Variants in ZNG1B observed in about 807,000 individuals in gnomAD.
ZNG1B encodes the protein zinc-regulated GTPase metalloprotein activator 1B.
the ZNG1B span, among the ~76,000 whole-genome samples, chr2:113,446,821 C>T: frequency 6.6e-6 from 1 of 151,822 alleles, no homozygotes; most frequent in Non-Finnish European, 1.5e-5. Flanking sequence ...TTCATACACA[C>T]ACACACAAGT....
At chr2:113,478,167 A>T in the ZNG1B span, among the ~76,000 whole-genome samples, 1 of 152,216 alleles carries the variant, frequency 6.6e-6, no homozygotes, top group South Asian at 2.1e-4. Flanking sequence ...GAAAATGGAC[A>T]TGTCTCTGGG....
chr2:113,443,002 T>C, the ZNG1B span, among the ~76,000 whole-genome samples: 2 of 151,526 alleles, frequency 1.3e-5, no homozygotes, highest in African/African-American at 4.9e-5. Context: ...GGAGTCTCGC[T>C]GTGTTGCCCA....
At chr2:113,439,774 G>T in the ZNG1B span, among the ~76,000 whole-genome samples, 3 of 151,150 alleles carry the variant, frequency 2.0e-5, no homozygotes, top group East Asian at 5.8e-4. Context: ...TCCCTCTTAG[G>T]TTCTCCATAG....
chr2:113,471,058 C>G, the ZNG1B span: 4 of 1,585,706 alleles, frequency 2.5e-6, no homozygotes, highest in Non-Finnish European at 3.4e-6. Flanking sequence ...TGTATTAGAT[C>G]TTCATGCCTT....
At chr2:113,438,946 G>A in the ZNG1B span, 40 of 1,531,414 alleles carry the variant, frequency 2.6e-5, 1 homozygote, top group South Asian at 4.7e-4. Context: ...AAACTTTGTA[G>A]ACTGTAAGTT....
At chr2:113,441,941 T>C in the ZNG1B span, among the ~76,000 whole-genome samples, 3 of 152,174 alleles carry the variant, frequency 2.0e-5, no homozygotes, top group Admixed American at 2.0e-4. Flanking sequence ...GGTTTCACCA[T>C]GTTGGCCAGG....
the ZNG1B span, chr2:113,438,056 C>T: frequency 6.2e-6 from 10 of 1,611,348 alleles, no homozygotes; most frequent in South Asian, 6.6e-5. Context: ...AATGGCGTGA[C>T]CTCTGGTGTC....
the ZNG1B span, among the ~76,000 whole-genome samples, chr2:113,439,975 G>C: frequency 0.28 from 39,324 of 139,660 alleles, 5,928 homozygotes; most frequent in East Asian, 0.53. Context: ...AGCTCCGCCT[G>C]CCGGGTTCAC....
At chr2:113,465,815 A>G in the ZNG1B span, 1 of 961,758 alleles carries the variant, frequency 1.0e-6, no homozygotes, top group Admixed American at 8.5e-5. Context: ...ACAGGCAGCC[A>G]GGAGCTCTGA....
At chr2:113,492,166 A>G in the ZNG1B span, among the ~76,000 whole-genome samples, 4 of 139,966 alleles carry the variant, frequency 2.9e-5, 1 homozygote, top group African/African-American at 5.1e-5. Context: ...AGAAGTCATT[A>G]TACGAAAAAG....
At chr2:113,476,427 T>C in the ZNG1B span, among the ~76,000 whole-genome samples, 1 of 150,220 alleles carries the variant, frequency 6.7e-6, no homozygotes. Flanking sequence ...TCTTTGCCTT[T>C]GGTTTGAATG....
chr2:113,445,423 C>G, the ZNG1B span: 103 of 208,444 alleles, frequency 4.9e-4, 1 homozygote, highest in African/African-American at 2.2e-3. Flanking sequence ...CTGAGGATAC[C>G]AAAATCTATT....
chr2:113,478,239 A>G, the ZNG1B span, among the ~76,000 whole-genome samples: 3 of 151,996 alleles, frequency 2.0e-5, no homozygotes, highest in Non-Finnish European at 4.4e-5. Context: ...TCTACATTTG[A>G]GAGTTCTAAT....
At chr2:113,475,389 A>C in the ZNG1B span, among the ~76,000 whole-genome samples, 1 of 151,942 alleles carries the variant, frequency 6.6e-6, no homozygotes, top group African/African-American at 2.4e-5. Flanking sequence ...GTGTCTCTGC[A>C]CGTGAGATGG....
the ZNG1B span, among the ~76,000 whole-genome samples, chr2:113,488,589 C>A: frequency 1.4e-5 from 2 of 145,114 alleles, no homozygotes; most frequent in African/African-American, 2.5e-5. Context: ...AAGGTGAAGC[C>A]CAATGTAAAG....
the ZNG1B span, among the ~76,000 whole-genome samples, chr2:113,484,428 C>A: frequency 6.7e-6 from 1 of 149,486 alleles, no homozygotes. Flanking sequence ...GGTTTTATGA[C>A]CTGCTTCAGG....
At chr2:113,464,736 G>C in the ZNG1B span, among the ~76,000 whole-genome samples, 2 of 150,328 alleles carry the variant, frequency 1.3e-5, no homozygotes, top group African/African-American at 4.9e-5. Flanking sequence ...TTTCTACCAT[G>C]TATGCCTGAG....
chr2:113,463,483 T>A, the ZNG1B span, among the ~76,000 whole-genome samples: 2 of 152,202 alleles, frequency 1.3e-5, no homozygotes, highest in African/African-American at 4.8e-5. Flanking sequence ...GATTAATGAT[T>A]GTGGAAGAAA....
At chr2:113,484,556 G>A in the ZNG1B span, among the ~76,000 whole-genome samples, 3 of 152,248 alleles carry the variant, frequency 2.0e-5, no homozygotes, top group Non-Finnish European at 2.9e-5. Flanking sequence ...TTTTTTGTTT[G>A]TTTGTTTTGG....
Sources: gnomAD v4.1 joint callset for allele counts (sites outside exome capture counted in the v4.1 genomes callset) on GRCh38, gnomAD v4.1.1 for gene constraint, MANE v1.5 for transcripts, NCBI Gene and HGNC (gene_info 2026-07-23, HGNC 2026-07-21) for gene names.